The following GPAM variants were observed in gnomAD, a reference collection of about 807,000 sequenced individuals.
GPAM encodes the protein glycerol-3-phosphate acyltransferase 1, mitochondrial.
Under a neutral mutation model 105.0 loss-of-function variants are expected in GPAM, and 56 were observed. The observed-to-expected ratio is 0.53, with a 90% confidence interval of 0.43 to 0.67. The LOEUF (loss-of-function observed/expected upper bound fraction) is 0.67, where lower values mean the gene tolerates loss of function less well. GPAM is among the 30% of genes least tolerant of loss of function. The pLI is 0.00. For missense variants in GPAM, 855 were observed against 989.8 expected (o/e 0.86, Z 1.83); for synonymous variants, 368 against 354.4 (o/e 1.04, Z -0.43).
chr10:112,161,207 C>A (rs957725980), intron 15 of GPAM, among the ~76,000 whole-genome samples: 6 of 152,030 alleles, frequency 3.9e-5, no homozygotes, highest in Non-Finnish European at 5.9e-5. Flanking sequence ...ATTTATCTGG[C>A]AAATATTTAT....
intron 1 of GPAM, among the ~76,000 whole-genome samples, chr10:112,190,109 A>G (rs1272037955): frequency 6.6e-6 from 1 of 152,242 alleles, no homozygotes; most frequent in Non-Finnish European, 1.5e-5. Flanking sequence ...CTGCAAATAA[A>G]TAAATATATT....
In GPAM at chr10:112,181,667, CT is replaced by C; in HGVS notation, c.102+15del. The C allele has an allele frequency of 7.0e-7, 1 of 1,422,738 alleles. No individual in the cohort carries two copies. Among genetic ancestry groups the C allele is most frequent in the Non-Finnish European group, 9.9e-7 (1 of 1,005,238 alleles). 88.1% of individuals were successfully genotyped at this position (1,422,738 alleles called of 1,614,324 possible). On this transcript the variant is annotated intron_variant, in intron 3 of 21. Transcript: ENST00000348367. ...ATTTTTAGGCTGAGTGCTTTTAACT[CT>C]TATCCTAAACTTACCCATTCCTCAC...
chr10:112,190,639 G>C (rs887749932), intron 1 of GPAM, among the ~76,000 whole-genome samples: 2 of 152,114 alleles, frequency 1.3e-5, no homozygotes, highest in African/African-American at 4.8e-5. Context: ...ACAATCAATA[G>C]ACTCAGCTTT....
chr10:112,169,031 T>C (rs1847268504), intron 9 of GPAM, 79 bp from the exon 10 acceptor site: 21 of 969,312 alleles, frequency 2.2e-5, no homozygotes, highest in Non-Finnish European at 3.3e-5. Context: ...ATTGAAAACA[T>C]TTGCCAAGTG....
intron 20 of GPAM, 138 bp from the exon 21 acceptor site, chr10:112,154,825 C>T (rs1057125846): frequency 1.4e-6 from 1 of 713,090 alleles, no homozygotes; most frequent in East Asian, 2.7e-5. Context: ...GCCCCACTTC[C>T]ACCACTGGCA....
At chr10:112,170,907 C>T (rs1174192636) in intron 9 of GPAM, among the ~76,000 whole-genome samples, 3 of 152,168 alleles carry the variant, frequency 2.0e-5, no homozygotes, top group African/African-American at 7.2e-5. Context: ...GTCTGGTTAG[C>T]TACAGAACTC....
At chr10:112,212,240 T>TTTCGCTAATAATTA (rs1847918651) in intron 1 of GPAM, among the ~76,000 whole-genome samples, 1 of 152,150 alleles carries the variant, frequency 6.6e-6, no homozygotes, top group African/African-American at 2.4e-5. Context: ...ATTATTAGGT[T>TTTCGCTAATAATTA]GGTGCAAAAG....
upstream of GPAM, among the ~76,000 whole-genome samples, chr10:112,185,360 C>G (rs888235126): frequency 5.9e-5 from 9 of 151,384 alleles, no homozygotes; most frequent in African/African-American, 2.2e-4. Context: ...TGAAATCATC[C>G]CAGAAATGAC....
intron 1 of GPAM, among the ~76,000 whole-genome samples, chr10:112,204,662 T>C (rs1006760813): frequency 1.3e-5 from 2 of 151,308 alleles, no homozygotes; most frequent in East Asian, 4.0e-4. Flanking sequence ...GGGCTGTTTA[T>C]AGGAAAACAA....
chr10:112,172,121 A>G, intron 9 of GPAM, 61 bp downstream of exon 9: 1 of 1,263,058 alleles, frequency 7.9e-7, no homozygotes, highest in Non-Finnish European at 1.2e-6. Flanking sequence ...ATAATTTAAA[A>G]AATTAAAATT....
At position 112,156,875 on chromosome 10, in the gene GPAM, A is replaced by C. The variant is rs574027499; in HGVS notation, c.2121+374T>G. Reference sequence around the variant, plus strand: ...TGACAGCAAAGAGCTTAATATATGAAATTTTGGGAGGGACAGCAAGAGTGA... The same window carrying C: ...TGACAGCAAAGAGCTTAATATATGACATTTTGGGAGGGACAGCAAGAGTGA... On this transcript the variant is annotated intron_variant, in intron 19 of 21. Transcript: ENST00000348367. The C allele has an allele frequency of 8.8e-6, 3 of 341,846 alleles. No individual in the cohort carries two copies. The East Asian group carries it at 1.5e-4, about 17-fold the overall frequency. The allele number at this position is 341,846 out of a possible 1,614,324, so 21.2% of individuals were successfully genotyped here.
the GPAM span, among the ~76,000 whole-genome samples, chr10:112,225,082 C>T: frequency 2.0e-5 from 3 of 152,274 alleles, no homozygotes; most frequent in Admixed American, 1.3e-4. Flanking sequence ...AGCCTCACTC[C>T]CCAGCAAGAA....
At chr10:112,195,335 G>A (rs770412815) in intron 1 of GPAM, among the ~76,000 whole-genome samples, 18 of 152,060 alleles carry the variant, frequency 1.2e-4, no homozygotes, top group Non-Finnish European at 2.2e-4. Context: ...AGCTCAGTCC[G>A]CCCTTGCTAA....
intron 5 of GPAM, among the ~76,000 whole-genome samples, chr10:112,177,577 G>A (rs1035517565): frequency 2.0e-5 from 3 of 152,150 alleles, no homozygotes; most frequent in Non-Finnish European, 2.9e-5. Context: ...GCTCAACAGA[G>A]AAAATGTCTT....
Position 112,160,800 on chromosome 10 carries a change from A to T in GPAM, c.1563T>A (p.Phe521Leu), listed in dbSNP as rs577394004. 1 of 1,613,958 alleles carries T rather than the reference A, an allele frequency of 6.2e-7. No homozygotes were observed. Among genetic ancestry groups the T allele is most frequent in the East Asian group, 2.2e-5 (1 of 44,870 alleles). The change falls in exon 16 of 22, where the codon TTT (phenylalanine) becomes TTA (leucine). Residue 521 changes from phenylalanine (F) to leucine (L), a missense_variant. By Grantham distance (22) the Phe-to-Leu change is conservative. Coordinates refer to ENST00000348367, the MANE Select transcript of GPAM (RefSeq NM_001244949.2). ...VMKEEVLARDFDLGFSGNSED... is the reference protein window; with the variant it reads ...VMKEEVLARDLDLGFSGNSED... ...CTGAATTTCCTGAGAACCCCAGGTC[A>T]AAATCACGAGCCAGGACTTCCTCTT...
upstream of GPAM, among the ~76,000 whole-genome samples, chr10:112,218,899 A>G (rs1454805075): frequency 3.3e-5 from 5 of 152,214 alleles, no homozygotes; most frequent in African/African-American, 1.2e-4. Context: ...GAGGATGACC[A>G]GAGGCTGCTT....
chr10:112,167,689 C>T (rs1193996409), intron 11 of GPAM, among the ~76,000 whole-genome samples: 1 of 152,146 alleles, frequency 6.6e-6, no homozygotes, highest in Non-Finnish European at 1.5e-5. Flanking sequence ...TGAAATTAAT[C>T]ATTACCCTTG....
chr10:112,175,829 T>C, intron 5 of GPAM, 116 bp from the exon 6 acceptor site: 1 of 700,048 alleles, frequency 1.4e-6, no homozygotes, highest in Non-Finnish European at 2.6e-6. Flanking sequence ...TTTCTGAGAT[T>C]TAGGGTTCTC....
At position 112,163,756 on chromosome 10, in the gene GPAM, T is replaced by G. The variant is rs561675529; in HGVS notation, c.1368A>C (p.Thr456=). The G allele has an allele frequency of 6.8e-6, 11 of 1,606,888 alleles. No individual in the cohort carries two copies. In the South Asian group the frequency reaches 9.9e-5, roughly 14 times the overall value. ...DTSINESRNA[T]DESLRRRLIA... is the part of the protein sequence containing the mutation. ...TCAACCTCCTTCGTAGGGATTCATCTGTTGCATTTCTGGACTCATTAATGG... is the reference window on the plus strand; with the variant it reads ...TCAACCTCCTTCGTAGGGATTCATCGGTTGCATTTCTGGACTCATTAATGG... Residue 456 remains threonine, a synonymous_variant, in exon 14 of 22, where the codon ACA becomes ACC. Coordinates refer to ENST00000348367, the MANE Select transcript of GPAM (RefSeq NM_001244949.2).
Sources: gnomAD v4.1 joint callset for allele counts (sites outside exome capture counted in the v4.1 genomes callset) on GRCh38, gnomAD v4.1.1 for gene constraint, MANE v1.5 for transcripts, NCBI Gene and HGNC (gene_info 2026-07-23, HGNC 2026-07-21) for gene names.